ACLY: variants seen among roughly 807,000 people sequenced by gnomAD.
ACLY encodes ATP-citrate synthase.
ACLY carries 41 observed loss-of-function variants against 133.0 expected under a neutral mutation model. The ratio of observed to expected loss-of-function variants is 0.31; its 90% CI spans 0.24 to 0.40. The LOEUF is 0.40. ACLY is among the 10% of genes least tolerant of loss of function. The pLI is 1.00. For synonymous variants in ACLY, 495 were observed against 549.3 expected (o/e 0.90, Z 1.38); for missense variants, 1,046 against 1,453.8 (o/e 0.72, Z 4.56).
chr17:41,917,912 A>G (rs2050094437), intron 1 of ACLY, among the ~76,000 whole-genome samples: 1 of 152,196 alleles, frequency 6.6e-6, no homozygotes, highest in Non-Finnish European at 1.5e-5. Flanking sequence ...CAGCTGAGCC[A>G]GCTGAAAACA....
intron 20 of ACLY, among the ~76,000 whole-genome samples, chr17:41,881,461 A>G (rs2048916004): frequency 6.6e-6 from 1 of 151,120 alleles, no homozygotes; most frequent in Non-Finnish European, 1.5e-5. Context: ...GAACAGCTTC[A>G]TGGAATAAGC....
At chr17:41,880,396 A>T (rs1033792513) in intron 20 of ACLY, among the ~76,000 whole-genome samples, 2 of 152,228 alleles carry the variant, frequency 1.3e-5, no homozygotes, top group Non-Finnish European at 2.9e-5. Flanking sequence ...AAGACACCTT[A>T]AAGCGTGAGT....
chr17:41,900,787 C>T (rs1204762906), intron 11 of ACLY, among the ~76,000 whole-genome samples: 6 of 151,984 alleles, frequency 3.9e-5, no homozygotes, highest in African/African-American at 1.5e-4. Flanking sequence ...TGCCTGCTGT[C>T]TCACAGTGAT....
At chr17:41,893,363 A>G (rs782335963) in intron 14 of ACLY, among the ~76,000 whole-genome samples, 189 bp from the exon 15 acceptor site, 29 of 152,182 alleles carry the variant, frequency 1.9e-4, no homozygotes, top group Non-Finnish European at 2.5e-4. Flanking sequence ...TTTTTCTGGA[A>G]GAAGGTGGCA....
chr17:41,896,323 T>C (rs557475192), intron 14 of ACLY, among the ~76,000 whole-genome samples: 3 of 152,194 alleles, frequency 2.0e-5, no homozygotes, highest in Admixed American at 6.5e-5. Flanking sequence ...CACTACACTC[T>C]CCAGGGCTGT....
intron 20 of ACLY, 32 bp downstream of exon 20, chr17:41,883,089 TC>T: frequency 6.4e-7 from 1 of 1,568,418 alleles, no homozygotes; most frequent in Non-Finnish European, 8.7e-7. Flanking sequence ...CAATCCCCAC[TC>T]CCAGCCCAGA....
chr17:41,894,203 C>T (rs1161594928), intron 14 of ACLY, among the ~76,000 whole-genome samples: 19 of 116,868 alleles, frequency 1.6e-4, no homozygotes, highest in South Asian at 3.2e-4. Flanking sequence ...GGTGACAGAG[C>T]GGGACTCCAT....
At chr17:41,914,726 T>G (rs1490223163) in intron 1 of ACLY, among the ~76,000 whole-genome samples, 1 of 152,112 alleles carries the variant, frequency 6.6e-6, no homozygotes, top group African/African-American at 2.4e-5. Context: ...AGTGGTCACT[T>G]CTAACTGGGG....
intron 14 of ACLY, among the ~76,000 whole-genome samples, chr17:41,895,918 T>C (rs933581943): frequency 5.9e-5 from 9 of 152,200 alleles, no homozygotes; most frequent in Admixed American, 5.9e-4. Flanking sequence ...TCTACTCAGC[T>C]AGGCTGGTGG....
At chr17:41,919,728 C>T (rs1285080801), upstream of ACLY, among the ~76,000 whole-genome samples, 1 of 152,232 alleles carries the variant, frequency 6.6e-6, no homozygotes, top group Non-Finnish European at 1.5e-5. Context: ...GTCTCTTGTT[C>T]CCACCAACCA....
chr17:41,889,424 CAGG>C (rs1477731991), intron 16 of ACLY, among the ~76,000 whole-genome samples: 8 of 142,188 alleles, frequency 5.6e-5, no homozygotes, highest in African/African-American at 2.1e-4. Context: ...GAGGCTGAGA[CAGG>C]AGAATTGCTT....
chr17:41,929,418 G>A (rs1317911112), intron 1 of ACLY, among the ~76,000 whole-genome samples: 2 of 152,080 alleles, frequency 1.3e-5, no homozygotes, highest in South Asian at 2.1e-4. Flanking sequence ...ACGTCTACTG[G>A]GCTCCACCAT....
At chr17:41,884,302 C>G (rs782626334) in intron 18 of ACLY, 28 bp from the exon 19 acceptor site, 1 of 1,479,520 alleles carries the variant, frequency 6.8e-7, no homozygotes, top group East Asian at 2.3e-5. Context: ...TATCAGGATA[C>G]AGGATCAGGA....
chr17:41,909,201 T>A, intron 5 of ACLY, 133 bp from the exon 6 acceptor site: 1 of 735,408 alleles, frequency 1.4e-6, no homozygotes, highest in East Asian at 2.7e-5. Flanking sequence ...GGCCCTTCCA[T>A]CTCCTCTGCA....
At chr17:41,891,551 C>G (rs1239718547) in intron 16 of ACLY, among the ~76,000 whole-genome samples, 10 of 144,728 alleles carry the variant, frequency 6.9e-5, no homozygotes, top group African/African-American at 2.3e-4. Flanking sequence ...CCAGCTAATT[C>G]TTTTTTTTTT....
rs916475515 is a variant in ACLY at position 41,872,906 on chromosome 17, T to A, written c.2643-724A>T. Among the ~76,000 whole-genome samples the A allele has an allele frequency of 2.0e-5, 3 of 152,256 alleles. No homozygotes were observed. In the South Asian group the frequency reaches 6.2e-4, roughly 32 times the overall value. Reference sequence around the variant, plus strand: ...CAGAGAGAGACCTGCTCAGGTGTTATAACCCGTGAACTTTTCCCAGGAAGG... The same window carrying A: ...CAGAGAGAGACCTGCTCAGGTGTTAAAACCCGTGAACTTTTCCCAGGAAGG... On this transcript the variant is annotated intron_variant, in intron 23 of 28. Transcript: ENST00000352035.
In ACLY at chr17:41,891,840, G is replaced by A. The variant is rs572989377; in HGVS notation, c.1770+439C>T. ...AGCTTCCTGAGTAGCTGGGACTACA[G>A]GTGTGAGTCACCATGCCTGGCTTGA... On this transcript the variant is annotated intron_variant, in intron 16 of 28. Coordinates refer to ENST00000352035, the MANE Select transcript of ACLY (RefSeq NM_001096.3). Among the ~76,000 whole-genome samples, 12 of 152,234 alleles carry A rather than the reference G, an allele frequency of 7.9e-5. No individual in the cohort carries two copies. The South Asian group carries it at 2.5e-3, about 32-fold the overall frequency.
intron 11 of ACLY, among the ~76,000 whole-genome samples, chr17:41,899,220 T>C (rs2144344076): frequency 6.6e-6 from 1 of 151,554 alleles, no homozygotes; most frequent in Non-Finnish European, 1.5e-5. Flanking sequence ...GGTTGCAAAG[T>C]AAGCTGAGAT....
chr17:41,888,754 T>C (rs1288613359), intron 16 of ACLY, among the ~76,000 whole-genome samples: 1 of 152,058 alleles, frequency 6.6e-6, no homozygotes. Flanking sequence ...GAGGCTACAG[T>C]GAGTTGCATG....
Sources: gnomAD v4.1 joint callset for allele counts (sites outside exome capture counted in the v4.1 genomes callset) on GRCh38, gnomAD v4.1.1 for gene constraint, MANE v1.5 for transcripts, NCBI Gene and HGNC (gene_info 2026-07-23, HGNC 2026-07-21) for gene names.